GPM6A: variants seen among roughly 807,000 people sequenced by gnomAD.
GPM6A encodes the protein neuronal membrane glycoprotein M6-a.
In GPM6A, 7 loss-of-function variants were observed where a neutral mutation model predicts 32.1. That is an observed-to-expected ratio of 0.22 (90% CI 0.12 to 0.41). The LOEUF (loss-of-function observed/expected upper bound fraction) is 0.41, where lower values mean the gene tolerates loss of function less well. GPM6A is among the 10% of genes least tolerant of loss of function. The probability of loss-of-function intolerance (pLI) is 1.00; values close to 1 mark genes in which losing one functional copy is unlikely to be tolerated. For synonymous variants in GPM6A, 130 were observed against 123.4 expected, an observed-to-expected ratio of 1.05 and a Z score of -0.35; for missense variants, 235 against 347.2, an observed-to-expected ratio of 0.68 and a Z score of 2.57.
At chr4:175,687,648 A>G (rs889839913) in intron 2 of GPM6A, among the ~76,000 whole-genome samples, 14 of 152,144 alleles carry the variant, frequency 9.2e-5, no homozygotes, top group African/African-American at 3.1e-4. Flanking sequence ...GAGTATATGT[A>G]TCTCTTCAAG....
intron 1 of GPM6A, among the ~76,000 whole-genome samples, chr4:175,889,402 G>A (rs999509017): frequency 6.6e-6 from 1 of 152,004 alleles, no homozygotes; most frequent in Non-Finnish European, 1.5e-5. Flanking sequence ...GTGTGTGCCA[G>A]TAGTCCCACA....
At chr4:175,636,285 T>TATATATATAC (rs1553967478) in intron 6 of GPM6A, among the ~76,000 whole-genome samples, 12 of 138,412 alleles carry the variant, frequency 8.7e-5, no homozygotes, top group African/African-American at 2.9e-4. Context: ...TATATATATA[T>TATATATATAC]ATATATATAT....
At chr4:175,860,941 A>G (rs1293639486) in intron 1 of GPM6A, among the ~76,000 whole-genome samples, 1 of 152,116 alleles carries the variant, frequency 6.6e-6, no homozygotes, top group Non-Finnish European at 1.5e-5. Flanking sequence ...TTTCCTAGAA[A>G]TTTCCTCACA....
intron 1 of GPM6A, among the ~76,000 whole-genome samples, chr4:175,987,838 T>C (rs974613245): frequency 6.6e-6 from 1 of 152,136 alleles, no homozygotes; most frequent in Admixed American, 6.6e-5. Context: ...AATTGAATGA[T>C]ATAAAATTTT....
chr4:175,911,980 T>C lies in GPM6A; in HGVS notation c.-23+90329A>G, dbSNP rs929286505. On this transcript the variant is annotated intron_variant, in intron 1 of 7. Transcript: ENST00000280187. ...CATTTTAACACAACAAACTGATGTTTTATGCTAAGCTGTGGCTATATCTAT... is the reference window on the plus strand; with the variant it reads ...CATTTTAACACAACAAACTGATGTTCTATGCTAAGCTGTGGCTATATCTAT... Among the ~76,000 whole-genome samples the C allele has an allele frequency of 5.3e-5, 8 of 152,270 alleles. No homozygotes were observed. In the South Asian group the frequency reaches 6.2e-4, roughly 12 times the overall value.
intron 1 of GPM6A, among the ~76,000 whole-genome samples, chr4:175,935,976 TATA>T (rs1739207417): frequency 6.6e-6 from 1 of 151,474 alleles, no homozygotes; most frequent in Non-Finnish European, 1.5e-5. Flanking sequence ...TTGAATAGAA[TATA>T]ATGACTAAAT....
intron 1 of GPM6A, among the ~76,000 whole-genome samples, chr4:175,988,268 C>T (rs1181258627): frequency 6.6e-6 from 1 of 152,112 alleles, no homozygotes; most frequent in African/African-American, 2.4e-5. Context: ...AACAACTTGG[C>T]AATTAATCAT....
chr4:175,789,142 A>G (rs115105366), intron 1 of GPM6A, among the ~76,000 whole-genome samples: 7,888 of 152,294 alleles, frequency 0.052, 295 homozygotes, highest in Non-Finnish European at 0.08. Context: ...AAGTTAATTT[A>G]CTTTTGCAGA....
intron 1 of GPM6A, among the ~76,000 whole-genome samples, chr4:175,897,183 G>A (rs561412817): frequency 6.6e-6 from 1 of 152,288 alleles, no homozygotes; most frequent in Admixed American, 6.5e-5. Context: ...CTGGGCTGGA[G>A]GGAGGAGGTG....
chr4:175,635,276 C>T (rs1740512738), intron 6 of GPM6A, among the ~76,000 whole-genome samples: 1 of 152,104 alleles, frequency 6.6e-6, no homozygotes, highest in Admixed American at 6.6e-5. Flanking sequence ...TTCAGTATCT[C>T]TTTCTCCTTT....
At chr4:175,800,284 C>T (rs1307159411) in intron 1 of GPM6A, among the ~76,000 whole-genome samples, 1 of 152,144 alleles carries the variant, frequency 6.6e-6, no homozygotes, top group Admixed American at 6.5e-5. Flanking sequence ...AATTATATAG[C>T]ATATACCCAA....
At chr4:175,887,312 T>C (rs563524617) in intron 1 of GPM6A, among the ~76,000 whole-genome samples, 4 of 151,874 alleles carry the variant, frequency 2.6e-5, no homozygotes, top group Non-Finnish European at 5.9e-5. Flanking sequence ...GTTAAAAACT[T>C]CTAAATCACG....
At chr4:175,937,996 G>T (rs1300275957) in intron 1 of GPM6A, among the ~76,000 whole-genome samples, 1 of 152,050 alleles carries the variant, frequency 6.6e-6, no homozygotes, top group African/African-American at 2.4e-5. Context: ...TATTTATATG[G>T]ACGTGACCTC....
chr4:175,812,340 T>G, upstream of GPM6A: 1 of 1,282,174 alleles, frequency 7.8e-7, no homozygotes, highest in Non-Finnish European at 1.0e-6. Flanking sequence ...TTTTTTTTTT[T>G]CCTGGGAAGC....
intron 1 of GPM6A, among the ~76,000 whole-genome samples, chr4:175,908,708 C>G (rs1738208067): frequency 6.6e-6 from 1 of 151,940 alleles, no homozygotes; most frequent in Non-Finnish European, 1.5e-5. Flanking sequence ...AAGGATATTT[C>G]AACAAAAATT....
In GPM6A at chr4:175,989,283, C is replaced by A. The variant is rs183963637; in HGVS notation, c.-23+13026G>T. On this transcript the variant is annotated intron_variant, in intron 1 of 7. Transcript: ENST00000280187. The stretch of plus-strand genomic sequence containing the variant: ...CCTTGATGTAAAAGATAAGAGAGAA[C>A]TGAATGAGTCTTTCAACCCAAGGAT... Among the ~76,000 whole-genome samples the A allele has an allele frequency of 2.5e-3, 377 of 152,190 alleles. 2 individuals are homozygous for A. Among genetic ancestry groups the A allele is most frequent in the African/African-American group, 8.5e-3 (355 of 41,552 alleles).
intron 1 of GPM6A, among the ~76,000 whole-genome samples, chr4:175,868,455 CTTAATGCTA>C (rs1736806887): frequency 6.6e-6 from 1 of 152,194 alleles, no homozygotes; most frequent in African/African-American, 2.4e-5. Flanking sequence ...AATTTATGCA[CTTAATGCTA>C]TAAAGTTCCC....
At chr4:175,797,033 C>T (rs1734260577) in intron 1 of GPM6A, among the ~76,000 whole-genome samples, 1 of 151,892 alleles carries the variant, frequency 6.6e-6, no homozygotes, top group South Asian at 2.1e-4. Context: ...TAAGGATTCT[C>T]TTCTCTAAAA....
intron 1 of GPM6A, among the ~76,000 whole-genome samples, chr4:175,782,863 C>A (rs992235215): frequency 6.6e-6 from 1 of 151,888 alleles, no homozygotes; most frequent in African/African-American, 2.4e-5. Flanking sequence ...TCTTTATATA[C>A]CATCATTTTA....
Sources: gnomAD v4.1 joint callset for allele counts (sites outside exome capture counted in the v4.1 genomes callset) on GRCh38, gnomAD v4.1.1 for gene constraint, MANE v1.5 for transcripts, NCBI Gene and HGNC (gene_info 2026-07-23, HGNC 2026-07-21) for gene names.